The following WNK2 variants were observed in gnomAD, a reference collection of about 807,000 sequenced individuals.
WNK2 encodes the protein serine/threonine-protein kinase WNK2.
In WNK2, 67 loss-of-function variants were observed where a neutral mutation model predicts 192.1. The ratio of observed to expected loss-of-function variants is 0.35; its 90% CI spans 0.29 to 0.43. The LOEUF (loss-of-function observed/expected upper bound fraction) is 0.43. Among genes scored for constraint, WNK2 ranks in the 20% least tolerant of loss-of-function variants. The pLI is 1.00. For synonymous variants in WNK2, 1,439 were observed against 1,393.9 expected (o/e 1.03, Z -0.72); for missense variants, 2,698 against 3,089.7 (o/e 0.87, Z 3.01).
chr9:93,202,149 G>T (rs924249488), intron 2 of WNK2, among the ~76,000 whole-genome samples: 3 of 152,208 alleles, frequency 2.0e-5, no homozygotes, highest in African/African-American at 7.2e-5. Context: ...GTGGGACCCT[G>T]ACCATACAAG....
intron 2 of WNK2, among the ~76,000 whole-genome samples, chr9:93,187,945 G>T (rs1224272123): frequency 6.6e-6 from 1 of 152,126 alleles, no homozygotes; most frequent in East Asian, 1.9e-4. Flanking sequence ...AGCAGGGAAG[G>T]GTGACAGGTG....
At chr9:93,295,650 C>T (rs1016182321) in intron 23 of WNK2, among the ~76,000 whole-genome samples, 1 of 151,918 alleles carries the variant, frequency 6.6e-6, no homozygotes, top group African/African-American at 2.4e-5. Context: ...AAGCTCAGAG[C>T]ACTGTGATGC....
intron 2 of WNK2, among the ~76,000 whole-genome samples, chr9:93,217,505 C>A (rs1835959628): frequency 2.6e-5 from 4 of 152,150 alleles, no homozygotes; most frequent in Admixed American, 2.6e-4. Context: ...TGTGTACCTG[C>A]CGTCTCGGTT....
rs974005407 is a variant in WNK2, at chr9:93,189,119, G to A, written c.681+3509G>A. On this transcript the variant is annotated intron_variant, in intron 2 of 29. Coordinates refer to ENST00000427277, the MANE Select transcript of WNK2 (RefSeq NM_006648.4). ...GGGAGGCAGCCTGTTTGCCTTTCCCGGACCTTCCTGTTTCTGCTGTGTCTC... is the reference window on the plus strand; with the variant it reads ...GGGAGGCAGCCTGTTTGCCTTTCCCAGACCTTCCTGTTTCTGCTGTGTCTC... 7.2e-5 allele frequency among the ~76,000 whole-genome samples: 11 copies of A among 152,068 alleles called. No homozygotes were observed. The South Asian group carries it at 1.5e-3, about 20-fold the overall frequency.
intron 27 of WNK2, 165 bp from the exon 28 acceptor site, chr9:93,308,163 T>G: frequency 1.5e-6 from 2 of 1,374,900 alleles, no homozygotes. Flanking sequence ...TGTCTGACCC[T>G]GGGCAGCCAG....
intron 7 of WNK2, among the ~76,000 whole-genome samples, chr9:93,243,151 C>CT (rs1180070590): frequency 6.6e-6 from 1 of 152,178 alleles, no homozygotes; most frequent in Non-Finnish European, 1.5e-5. Context: ...TCGTGGGCTC[C>CT]TTGCCTGTCT....
chr9:93,278,403 G>A (rs985096844), intron 19 of WNK2, among the ~76,000 whole-genome samples: 2 of 152,216 alleles, frequency 1.3e-5, no homozygotes, highest in African/African-American at 2.4e-5. Context: ...GTGGACCCGG[G>A]AACTCACACA....
At chr9:93,199,028 C>T (rs939484651) in intron 2 of WNK2, among the ~76,000 whole-genome samples, 1 of 152,232 alleles carries the variant, frequency 6.6e-6, no homozygotes, top group Non-Finnish European at 1.5e-5. Flanking sequence ...GCCTGGCCCC[C>T]TCCAGCTGGA....
intron 2 of WNK2, among the ~76,000 whole-genome samples, chr9:93,227,779 T>C (rs1413982222): frequency 1.3e-5 from 2 of 152,162 alleles, no homozygotes; most frequent in Non-Finnish European, 2.9e-5. Flanking sequence ...GGACTACAGG[T>C]GTGAGCCACC....
At chr9:93,220,397 G>A (rs1422440655) in intron 2 of WNK2, among the ~76,000 whole-genome samples, 1 of 152,202 alleles carries the variant, frequency 6.6e-6, no homozygotes, top group Non-Finnish European at 1.5e-5. Context: ...GAGGTTGGCT[G>A]TGCCAGCTGC....
chr9:93,235,793 C>T (rs1395785262), intron 5 of WNK2, among the ~76,000 whole-genome samples: 1 of 152,236 alleles, frequency 6.6e-6, no homozygotes. Context: ...CGCGCTGCCC[C>T]TCAGTGCTGC....
At chr9:93,199,334 G>C (rs57847437) in intron 2 of WNK2, among the ~76,000 whole-genome samples, 2,699 of 152,294 alleles carry the variant, frequency 0.018, 69 homozygotes, top group African/African-American at 0.061. Flanking sequence ...TCTGGACCTG[G>C]TGACCTCCTA....
intron 16 of WNK2, among the ~76,000 whole-genome samples, chr9:93,264,476 C>G (rs920386692): frequency 6.6e-6 from 1 of 152,198 alleles, no homozygotes; most frequent in Non-Finnish European, 1.5e-5. Flanking sequence ...GCCTGCATCT[C>G]CCTCTGGAGC....
In WNK2 at chr9:93,197,582, A is replaced by G. The variant is rs143045433; in HGVS notation, c.681+11972A>G. On this transcript the variant is annotated intron_variant, in intron 2 of 29. Coordinates refer to ENST00000427277, the MANE Select transcript of WNK2 (RefSeq NM_006648.4). ...TGCTCTGTCTCCTAGACTGGAGTGC[A>G]GTGGTGTGATCTTGGCTCACTGGAA... is the stretch of plus-strand genomic sequence containing the variant. Among the ~76,000 whole-genome samples the G allele has an allele frequency of 1.1e-3, 171 of 151,990 alleles. 2 individuals carry two copies. The East Asian group carries it at 0.029, about 26-fold the overall frequency.
At chr9:93,317,833 G>A (rs781697648) in intron 29 of WNK2, 16 of 1,505,258 alleles carry the variant, frequency 1.1e-5, no homozygotes, top group Admixed American at 2.2e-5. Context: ...CCTGGCCCCC[G>A]GCTGCGGATC....
chr9:93,230,297 T>C (rs1423828555), intron 3 of WNK2, among the ~76,000 whole-genome samples: 1 of 152,158 alleles, frequency 6.6e-6, no homozygotes, highest in Non-Finnish European at 1.5e-5. Flanking sequence ...TGCTGTATCC[T>C]GGGTCCATCT....
intron 2 of WNK2, among the ~76,000 whole-genome samples, chr9:93,200,413 C>A (rs1832122878): frequency 6.6e-6 from 1 of 152,220 alleles, no homozygotes; most frequent in Admixed American, 6.5e-5. Context: ...CATGTTCCCT[C>A]AAGAGCCAGC....
At chr9:93,264,087 C>A in intron 16 of WNK2, 54 bp downstream of exon 16, 4 of 1,367,094 alleles carry the variant, frequency 2.9e-6, no homozygotes, top group Non-Finnish European at 4.1e-6. Context: ...CACGTGTGGG[C>A]CTGAGCAGAG....
intron 19 of WNK2, among the ~76,000 whole-genome samples, chr9:93,287,474 A>G (rs1848619206): frequency 6.6e-6 from 1 of 152,228 alleles, no homozygotes; most frequent in Non-Finnish European, 1.5e-5. Flanking sequence ...ACAAGGACAC[A>G]TCTCACAAAC....
Sources: gnomAD v4.1 joint callset for allele counts (sites outside exome capture counted in the v4.1 genomes callset) on GRCh38, gnomAD v4.1.1 for gene constraint, MANE v1.5 for transcripts, NCBI Gene and HGNC (gene_info 2026-07-23, HGNC 2026-07-21) for gene names.